Variants in TNIK observed in about 807,000 individuals in gnomAD.
The protein encoded by TNIK is TRAF2 and NCK-interacting protein kinase.
Under a neutral mutation model 191.3 loss-of-function variants are expected in TNIK, and 49 were observed. The ratio of observed to expected loss-of-function variants is 0.26; its 90% CI spans 0.20 to 0.32. The LOEUF (loss-of-function observed/expected upper bound fraction) is 0.32, where lower values mean the gene tolerates loss of function less well. Among genes scored for constraint, TNIK ranks in the 10% least tolerant of loss-of-function variants. The pLI, the probability that TNIK is intolerant of heterozygous loss-of-function variation, is 1.00. For synonymous variants in TNIK, 594 were observed against 600.9 expected (o/e 0.99, Z 0.17); for missense variants, 1,155 against 1,702.3 (o/e 0.68, Z 5.66).
At chr3:171,405,606 T>C (rs1041654653) in intron 1 of TNIK, among the ~76,000 whole-genome samples, 2 of 151,628 alleles carry the variant, frequency 1.3e-5, no homozygotes, top group African/African-American at 4.9e-5. Context: ...ACTTCAAAAG[T>C]GATAAGAAGT....
At chr3:171,437,584 C>T (rs1291961756) in intron 1 of TNIK, among the ~76,000 whole-genome samples, 1 of 152,172 alleles carries the variant, frequency 6.6e-6, no homozygotes, top group Non-Finnish European at 1.5e-5. Flanking sequence ...CTCTGAAGAA[C>T]AGCTCATCCT....
intron 4 of TNIK, among the ~76,000 whole-genome samples, chr3:171,195,781 G>T (rs1207027984): frequency 6.6e-6 from 1 of 152,082 alleles, no homozygotes; most frequent in Non-Finnish European, 1.5e-5. Context: ...AGAAGCCAAG[G>T]AAGTTTCAAG....
chr3:171,293,772 A>C (rs1367648483), intron 2 of TNIK, among the ~76,000 whole-genome samples: 1 of 152,230 alleles, frequency 6.6e-6, no homozygotes, highest in East Asian at 1.9e-4. Context: ...TTCATAAAAA[A>C]TAACTTGATT....
At chr3:171,107,009 G>A (rs1463296673) in intron 21 of TNIK, among the ~76,000 whole-genome samples, 174 bp downstream of exon 21, 2 of 152,192 alleles carry the variant, frequency 1.3e-5, no homozygotes, top group South Asian at 2.1e-4. Flanking sequence ...ATATGGGTAG[G>A]TTTGAGGGTC....
At chr3:171,351,412 A>G (rs768091305) in intron 2 of TNIK, among the ~76,000 whole-genome samples, 28 of 152,148 alleles carry the variant, frequency 1.8e-4, no homozygotes, top group Non-Finnish European at 4.0e-4. Context: ...TAGATCTTCT[A>G]TATAATTAAT....
chr3:171,324,037 A>G (rs537643369), intron 2 of TNIK, among the ~76,000 whole-genome samples: 1 of 152,202 alleles, frequency 6.6e-6, no homozygotes, highest in African/African-American at 2.4e-5. Flanking sequence ...TTGGCATTTT[A>G]AAAAACAAAA....
chr3:171,226,377 C>T (rs1742968511), intron 3 of TNIK, among the ~76,000 whole-genome samples: 1 of 152,078 alleles, frequency 6.6e-6, no homozygotes, highest in Admixed American at 6.6e-5. Flanking sequence ...TATTTTGAAC[C>T]ATAAAGCAAC....
chr3:171,290,232 T>C (rs991510883), intron 2 of TNIK, among the ~76,000 whole-genome samples: 3 of 152,204 alleles, frequency 2.0e-5, no homozygotes, highest in African/African-American at 7.2e-5. Context: ...TATGGTTGAA[T>C]GATGATGACA....
intron 2 of TNIK, among the ~76,000 whole-genome samples, chr3:171,362,848 T>A (rs1715170702): frequency 6.6e-6 from 1 of 152,142 alleles, no homozygotes; most frequent in Admixed American, 6.5e-5. Flanking sequence ...TCTTTCCACT[T>A]ATAAAAATGC....
At chr3:171,315,161 G>T (rs1329467883) in intron 2 of TNIK, among the ~76,000 whole-genome samples, 1 of 152,128 alleles carries the variant, frequency 6.6e-6, no homozygotes, top group Non-Finnish European at 1.5e-5. Flanking sequence ...AAAGGGAAGA[G>T]TTGCCACCAT....
chr3:171,209,334 T>G (rs1238149094), intron 4 of TNIK, among the ~76,000 whole-genome samples: 1 of 152,224 alleles, frequency 6.6e-6, no homozygotes, highest in Non-Finnish European at 1.5e-5. Context: ...TCAATCTTGC[T>G]ATTAGTAATT....
rs185793900 is a variant in TNIK at position 171,440,193 on chromosome 3, A to G, written c.57+19814T>C. On this transcript the variant is annotated intron_variant, in intron 1 of 32. Coordinates refer to ENST00000436636, the MANE Select transcript of TNIK (RefSeq NM_015028.4). Reference sequence around the variant, plus strand: ...CCACATTTCCTAGAGGGTATTCTCAAGGCCATGGTGGCTACTGCAGTTTCC... The same window carrying G: ...CCACATTTCCTAGAGGGTATTCTCAGGGCCATGGTGGCTACTGCAGTTTCC... Among the ~76,000 whole-genome samples the G allele has an allele frequency of 1.3e-4, 20 of 152,316 alleles. No homozygotes were observed. In the East Asian group the frequency reaches 3.7e-3, roughly 28 times the overall value.
At chr3:171,385,148 T>C (rs888753373) in intron 1 of TNIK, among the ~76,000 whole-genome samples, 1 of 151,780 alleles carries the variant, frequency 6.6e-6, no homozygotes, top group Non-Finnish European at 1.5e-5. Flanking sequence ...GGAGTTTTAG[T>C]GGAAAGAATG....
At chr3:171,269,295 A>G (rs546099998) in intron 2 of TNIK, among the ~76,000 whole-genome samples, 109 of 152,250 alleles carry the variant, frequency 7.2e-4, no homozygotes, top group Non-Finnish European at 1.2e-3. Flanking sequence ...AATACATTAT[A>G]CCATCCAGAC....
intron 12 of TNIK, among the ~76,000 whole-genome samples, chr3:171,141,617 G>A (rs1274199426): frequency 6.6e-6 from 1 of 152,194 alleles, no homozygotes; most frequent in South Asian, 2.1e-4. Flanking sequence ...TGACTGAGGA[G>A]CATGACTGGC....
At chr3:171,334,219 T>A (rs1343071194) in intron 2 of TNIK, among the ~76,000 whole-genome samples, 1 of 152,222 alleles carries the variant, frequency 6.6e-6, no homozygotes, top group African/African-American at 2.4e-5. Context: ...GATTTGGCTT[T>A]TAGGAAAATC....
At chr3:171,078,847 G>A (rs925896895) in intron 28 of TNIK, among the ~76,000 whole-genome samples, 1 of 152,136 alleles carries the variant, frequency 6.6e-6, no homozygotes, top group Admixed American at 6.5e-5. Context: ...GCTAAGTAGG[G>A]GTTAGAGGGA....
intron 2 of TNIK, among the ~76,000 whole-genome samples, chr3:171,284,309 T>C (rs1456793980): frequency 6.6e-6 from 1 of 152,218 alleles, no homozygotes; most frequent in African/African-American, 2.4e-5. Context: ...ACTCCGTTCA[T>C]AGTAGGGTTC....
chr3:171,302,223 C>T (rs942106940), intron 2 of TNIK, among the ~76,000 whole-genome samples: 1 of 152,140 alleles, frequency 6.6e-6, no homozygotes, highest in African/African-American at 2.4e-5. Context: ...CTTGGCCTCA[C>T]AAGCCTGTCT....
Sources: gnomAD v4.1 joint callset for allele counts (sites outside exome capture counted in the v4.1 genomes callset) on GRCh38, gnomAD v4.1.1 for gene constraint, MANE v1.5 for transcripts, NCBI Gene and HGNC (gene_info 2026-07-23, HGNC 2026-07-21) for gene names.